The following SVIL variants were observed in gnomAD, a reference collection of about 807,000 sequenced individuals.
SVIL encodes supervillin.
SVIL carries 101 observed loss-of-function variants against 240.4 expected under a neutral mutation model. That is an observed-to-expected ratio of 0.42 (90% CI 0.36 to 0.50). SVIL has a LOEUF of 0.50. SVIL is among the 20% of genes least tolerant of loss of function. The pLI, the probability that SVIL is intolerant of heterozygous loss-of-function variation, is 0.01. For missense variants in SVIL, 2,512 were observed against 2,818.7 expected (o/e 0.89, Z 2.46); for synonymous variants, 999 against 1,100.0 (o/e 0.91, Z 1.82).
At chr10:29,698,575 A>G (rs1160331741) in intron 1 of SVIL, among the ~76,000 whole-genome samples, 2 of 150,562 alleles carry the variant, frequency 1.3e-5, no homozygotes, top group Non-Finnish European at 1.5e-5. Flanking sequence ...AGTGTACTGG[A>G]AACTTTCCAT....
At chr10:29,709,132 C>G (rs1050945377) in intron 1 of SVIL, among the ~76,000 whole-genome samples, 1 of 152,108 alleles carries the variant, frequency 6.6e-6, no homozygotes, top group Admixed American at 6.5e-5. Context: ...AAGAAATTAT[C>G]AAAGAAATAA....
At chr10:29,614,160 C>G (rs1957352183) in intron 1 of SVIL, among the ~76,000 whole-genome samples, 2 of 152,144 alleles carry the variant, frequency 1.3e-5, no homozygotes, top group South Asian at 4.2e-4. Context: ...AAATCATTTC[C>G]CTAGATTTTG....
At chr10:29,526,306 T>TTTTTTTTTTTTTTTTTTTTTTTTTTTC (rs1950908752) in intron 13 of SVIL, among the ~76,000 whole-genome samples, 1 of 38,866 alleles carries the variant, frequency 2.6e-5, no homozygotes, top group Non-Finnish European at 5.7e-5. Context: ...TTTCTCTTTC[T>TTTTTTTTTTTTTTTTTTTTTTTTTTTC]TTTTTTTTTT....
chr10:29,549,684 A>G (rs1953048610), intron 6 of SVIL, among the ~76,000 whole-genome samples: 2 of 140,762 alleles, frequency 1.4e-5, no homozygotes, highest in East Asian at 2.1e-4. Context: ...ATGGAATACT[A>G]TGCAGCCATA....
At chr10:29,502,504 CAT>C (rs1234228755) in intron 17 of SVIL, among the ~76,000 whole-genome samples, 1 of 152,032 alleles carries the variant, frequency 6.6e-6, no homozygotes, top group Non-Finnish European at 1.5e-5. Context: ...TTAGCTGACA[CAT>C]GTTTGGGATT....
intron 1 of SVIL, among the ~76,000 whole-genome samples, chr10:29,605,166 C>A (rs1332200814): frequency 6.6e-6 from 1 of 152,202 alleles, no homozygotes; most frequent in African/African-American, 2.4e-5. Flanking sequence ...CAGGCATTAG[C>A]CTCATTTTCT....
At chr10:29,537,477 C>G (rs935855865) in intron 6 of SVIL, among the ~76,000 whole-genome samples, 5 of 152,154 alleles carry the variant, frequency 3.3e-5, no homozygotes, top group Non-Finnish European at 7.4e-5. Flanking sequence ...TAAGGACAAC[C>G]TTGTTTTAAC....
intron 1 of SVIL, among the ~76,000 whole-genome samples, chr10:29,718,501 G>A (rs1471895505): frequency 2.6e-5 from 4 of 152,064 alleles, no homozygotes; most frequent in African/African-American, 4.8e-5. Context: ...GAAATGTAGA[G>A]TCTCAGACCC....
At chr10:29,504,858 G>A (rs1252272458) in intron 17 of SVIL, among the ~76,000 whole-genome samples, 1 of 152,324 alleles carries the variant, frequency 6.6e-6, no homozygotes, top group East Asian at 1.9e-4. Context: ...ACTCAAATGA[G>A]TTGAAAACTT....
At chr10:29,608,640 A>G (rs1445351396) in intron 1 of SVIL, among the ~76,000 whole-genome samples, 2 of 152,246 alleles carry the variant, frequency 1.3e-5, no homozygotes, top group Non-Finnish European at 2.9e-5. Flanking sequence ...TGGCAGACCC[A>G]GCACCCTGCT....
intron 1 of SVIL, among the ~76,000 whole-genome samples, chr10:29,694,025 A>C (rs6481619): frequency 0.25 from 37,880 of 151,808 alleles, 4,849 homozygotes; most frequent in East Asian, 0.37. Flanking sequence ...ATGATGGGCT[A>C]AGGAGCCCAG....
chr10:29,470,931 T>C (rs1035115257), intron 31 of SVIL, among the ~76,000 whole-genome samples: 1 of 152,062 alleles, frequency 6.6e-6, no homozygotes, highest in African/African-American at 2.4e-5. Context: ...GCCTCCTGCG[T>C]GCAAAGGTGA....
At chr10:29,663,223 T>G (rs1343934587) in intron 2 of SVIL, among the ~76,000 whole-genome samples, 5 of 152,228 alleles carry the variant, frequency 3.3e-5, no homozygotes, top group Non-Finnish European at 7.3e-5. Context: ...ACTTGTAATA[T>G]TTTTACACAG....
At chr10:29,679,694 C>T (rs1319797911) in intron 2 of SVIL, among the ~76,000 whole-genome samples, 5 of 151,482 alleles carry the variant, frequency 3.3e-5, no homozygotes, top group African/African-American at 4.8e-5. Context: ...CAGCTGGGAC[C>T]GCAGGCACAC....
intron 17 of SVIL, among the ~76,000 whole-genome samples, chr10:29,502,453 G>GTT (rs1250944315): frequency 2.6e-5 from 4 of 152,010 alleles, no homozygotes; most frequent in Admixed American, 2.6e-4. Context: ...AGAGAAGGAT[G>GTT]TTATATATAT....
chr10:29,490,585 TAAAAAAA>T (rs57898945), intron 22 of SVIL, among the ~76,000 whole-genome samples: 3 of 76,250 alleles, frequency 3.9e-5, no homozygotes, highest in Non-Finnish European at 4.7e-5. Context: ...CCCCAGTCTT[TAAAAAAA>T]AAAAAAAAAA....
intron 1 of SVIL, among the ~76,000 whole-genome samples, chr10:29,596,014 C>G (rs2505926): frequency 0.19 from 29,538 of 152,148 alleles, 3,041 homozygotes; most frequent in Middle Eastern, 0.25. Flanking sequence ...AATGTCTTTA[C>G]AGTCATGCAT....
chr10:29,571,754 C>G (rs561765916), intron 1 of SVIL, among the ~76,000 whole-genome samples: 2 of 152,298 alleles, frequency 1.3e-5, no homozygotes, highest in South Asian at 2.1e-4. Flanking sequence ...GCAATAATTA[C>G]AGACTGATTG....
intron 2 of SVIL, among the ~76,000 whole-genome samples, chr10:29,684,297 C>G (rs1263225406): frequency 1.3e-5 from 2 of 152,124 alleles, no homozygotes; most frequent in African/African-American, 2.4e-5. Flanking sequence ...GGATCATGAC[C>G]TGTGACACAG....
Sources: gnomAD v4.1 joint callset for allele counts (sites outside exome capture counted in the v4.1 genomes callset) on GRCh38, gnomAD v4.1.1 for gene constraint, MANE v1.5 for transcripts, NCBI Gene and HGNC (gene_info 2026-07-23, HGNC 2026-07-21) for gene names.